The following CACNG5 variants were observed in gnomAD, a reference collection of about 807,000 sequenced individuals.
CACNG5 encodes the protein voltage-dependent calcium channel gamma-5 subunit.
CACNG5 carries 18 observed loss-of-function variants against 24.8 expected under a neutral mutation model. The ratio of observed to expected loss-of-function variants is 0.73; its 90% confidence interval spans 0.50 to 1.08. The LOEUF is 1.08. CACNG5 is among the 50% of genes least tolerant of loss of function. The pLI is 0.00. For synonymous variants in CACNG5, 157 were observed against 149.1 expected, an observed-to-expected ratio of 1.05 and a Z score of -0.39; for missense variants, 349 against 367.9, an observed-to-expected ratio of 0.95 and a Z score of 0.42.
rs533152406 is a variant in CACNG5 at position 66,866,123 on chromosome 17, G to T, written c.-103-11107G>T. Among the ~76,000 whole-genome samples the T allele has an allele frequency of 1.5e-4, 23 of 152,266 alleles. No individual in the cohort carries two copies. In the South Asian group the frequency reaches 3.7e-3, roughly 25 times the overall value. On this transcript the variant is annotated intron_variant, in intron 1 of 5. Coordinates refer to ENST00000533854, the MANE Select transcript of CACNG5 (RefSeq NM_145811.3). ...AGGAAATTTTGGAAAAAACCTGGAT[G>T]TTCTAGAGTAGAGAAATGGCTACAT...
At chr17:66,850,526 T>G (rs796627293) in intron 1 of CACNG5, among the ~76,000 whole-genome samples, 1,769 of 152,238 alleles carry the variant, frequency 0.012, 39 homozygotes, top group African/African-American at 0.04. Flanking sequence ...GTATATTTTT[T>G]TTTTACATAT....
At chr17:66,868,040 T>G (rs993596936) in intron 1 of CACNG5, among the ~76,000 whole-genome samples, 2 of 152,236 alleles carry the variant, frequency 1.3e-5, no homozygotes, top group Non-Finnish European at 2.9e-5. Context: ...ACAGCGCTCC[T>G]ACTTGGTGTT....
rs530420446 is a variant in CACNG5, at chr17:66,868,727, G to T, written c.-103-8503G>T. On this transcript the variant is annotated intron_variant, in intron 1 of 5. Transcript: ENST00000533854. The stretch of plus-strand genomic sequence containing the variant: ...GCTGTGCTTGACGTGTCCTTAGTAC[G>T]CACTTGACCCATGTTTGCTAACATC... 1.3e-3 allele frequency among the ~76,000 whole-genome samples: 202 copies of T among 152,242 alleles called. 1 individual carries two copies. The highest frequency in any genetic ancestry group is 4.7e-3 in the African/African-American group (194 of 41,544).
At position 66,842,075 on chromosome 17, in the gene CACNG5, C is replaced by T. The variant is rs527942602; in HGVS notation, c.-104+6825C>T. 6.1e-5 allele frequency among the ~76,000 whole-genome samples: 9 copies of T among 147,254 alleles called. No homozygotes were observed. The South Asian group carries it at 8.4e-4, about 14-fold the overall frequency. The stretch of plus-strand genomic sequence containing the variant: ...TGAGGTTTAGGGGGGCTTCAACTCC[C>T]GGCTCTCTCCGGCCCCACTGCCCAC... On this transcript the variant is annotated intron_variant, in intron 1 of 5. Coordinates refer to ENST00000533854, the MANE Select transcript of CACNG5 (RefSeq NM_145811.3).
rs532752701 is a variant in CACNG5, at chr17:66,885,221, T to C, written c.809T>C (p.Met270Thr). 15 of 1,595,268 alleles carry C rather than the reference T, an allele frequency of 9.4e-6. No homozygotes were observed. Among genetic ancestry groups the C allele is most frequent in the East Asian group, 2.2e-5 (1 of 44,778 alleles). The change falls in exon 6 of 6, where the codon ATG becomes ACG. Residue 270 changes from methionine to threonine, a missense_variant. Coordinates refer to ENST00000533854, the MANE Select transcript of CACNG5 (RefSeq NM_145811.3). ...ALLKCPDYDQ[M>T]SSSPC ...CTCAAGTGCCCCGACTATGATCAGA[T>C]GTCCTCTTCACCCTGCTGAGCCTCG...
chr17:66,857,512 A>G (rs1976798538), intron 1 of CACNG5, among the ~76,000 whole-genome samples: 1 of 152,224 alleles, frequency 6.6e-6, no homozygotes, highest in Admixed American at 6.5e-5. Flanking sequence ...CCAATATGCC[A>G]TTTCAGCATG....
intron 1 of CACNG5, among the ~76,000 whole-genome samples, chr17:66,860,922 A>G (rs1976846196): frequency 1.3e-5 from 2 of 152,104 alleles, no homozygotes; most frequent in Admixed American, 1.3e-4. Context: ...GCCCAAGACA[A>G]TTCTTCCAAT....
intron 1 of CACNG5, among the ~76,000 whole-genome samples, chr17:66,862,750 A>T (rs1976881486): frequency 6.8e-6 from 1 of 147,686 alleles, no homozygotes; most frequent in South Asian, 2.1e-4. Flanking sequence ...CGTAAAGTAC[A>T]TTCATAGCTA....
chr17:66,841,075 G>T (rs2144496596), intron 1 of CACNG5, among the ~76,000 whole-genome samples: 1 of 152,288 alleles, frequency 6.6e-6, no homozygotes, highest in South Asian at 2.1e-4. Flanking sequence ...GCCTCAGGAG[G>T]TTCTGACGAC....
At chr17:66,851,501 T>C (rs1976709084) in intron 1 of CACNG5, among the ~76,000 whole-genome samples, 1 of 152,348 alleles carries the variant, frequency 6.6e-6, no homozygotes, top group Non-Finnish European at 1.5e-5. Context: ...TTCAAAAACA[T>C]GGTTGTAGAA....
At chr17:66,840,975 G>A (rs1976558708) in intron 1 of CACNG5, among the ~76,000 whole-genome samples, 1 of 152,188 alleles carries the variant, frequency 6.6e-6, no homozygotes. Flanking sequence ...ACTTTGCTGG[G>A]CAGGCCCTGT....
chr17:66,872,736 C>G (rs931827121), intron 1 of CACNG5, among the ~76,000 whole-genome samples: 6 of 152,166 alleles, frequency 3.9e-5, no homozygotes, highest in Non-Finnish European at 8.8e-5. Flanking sequence ...CCTGCCACCC[C>G]ACTAGGTGGG....
At chr17:66,839,969 T>C (rs1320737899) in intron 1 of CACNG5, among the ~76,000 whole-genome samples, 1 of 152,244 alleles carries the variant, frequency 6.6e-6, no homozygotes, top group Non-Finnish European at 1.5e-5. Flanking sequence ...CACTCTCTAC[T>C]GTCCACACTA....
Position 66,892,409 on chromosome 17 carries a change from AGCAAGCAGGGAT to A in CACNG5, c.*7183_*7194del, listed in dbSNP as rs1392844405. On this transcript the variant is annotated 3_prime_UTR_variant, in exon 6 of 6. Transcript: ENST00000533854. ...GTTCTCCAGCCCACTGTCAGGGCCAAGCAAGCAGGGATGCAAGCAGGGATGATAAATCCTTAG... is the reference window on the plus strand; with the variant it reads ...GTTCTCCAGCCCACTGTCAGGGCCAAGCAAGCAGGGATGATAAATCCTTAG... 4.6e-5 allele frequency among the ~76,000 whole-genome samples: 7 copies of A among 152,390 alleles called. No homozygotes were observed. Among genetic ancestry groups the A allele is most frequent in the African/African-American group, 9.6e-5 (4 of 41,604 alleles).
chr17:66,860,422 C>A (rs969489976), intron 1 of CACNG5, among the ~76,000 whole-genome samples: 3 of 152,034 alleles, frequency 2.0e-5, no homozygotes, highest in African/African-American at 4.8e-5. Context: ...CAAGGGAACT[C>A]CCCTGTAAGA....
chr17:66,880,469 A>G (rs1244130032), intron 3 of CACNG5, 88 bp from the exon 4 acceptor site: 10 of 1,535,556 alleles, frequency 6.5e-6, no homozygotes, highest in Non-Finnish European at 8.9e-6. Flanking sequence ...ACCAGTTGGT[A>G]GACACTGCCA....
chr17:66,849,051 T>C (rs1057390447), intron 1 of CACNG5, among the ~76,000 whole-genome samples: 54 of 152,310 alleles, frequency 3.5e-4, no homozygotes, highest in African/African-American at 1.3e-3. Context: ...AGGCCATGGC[T>C]GCCCATTAAG....
rs925964131 is a variant in CACNG5, at chr17:66,886,987, A to T, written c.*1747A>T. The stretch of plus-strand genomic sequence containing the variant: ...CCTGGTGTCCAAGGACACCAGTCAG[A>T]TTGGATTCGGGTCCATCCCCGATTA... On this transcript the variant is annotated 3_prime_UTR_variant, in exon 6 of 6. Transcript: ENST00000533854. Among the ~76,000 whole-genome samples, 5 of 152,252 alleles carry T rather than the reference A, an allele frequency of 3.3e-5. No homozygotes were observed. Among genetic ancestry groups the T allele is most frequent in the African/African-American group, 1.2e-4 (5 of 41,546 alleles).
chr17:66,857,161 G>T (rs1035856118), intron 1 of CACNG5, among the ~76,000 whole-genome samples: 4 of 148,754 alleles, frequency 2.7e-5, no homozygotes, highest in Non-Finnish European at 4.4e-5. Flanking sequence ...GTGGCTCAAG[G>T]GATCCTCCTA....
Sources: gnomAD v4.1 joint callset for allele counts (sites outside exome capture counted in the v4.1 genomes callset) on GRCh38, gnomAD v4.1.1 for gene constraint, MANE v1.5 for transcripts, NCBI Gene and HGNC (gene_info 2026-07-23, HGNC 2026-07-21) for gene names.